CSMD1: variants seen among roughly 807,000 people sequenced by gnomAD.
CSMD1 encodes CUB and sushi domain-containing protein 1.
CSMD1 carries 213 observed loss-of-function variants against 417.5 expected under a neutral mutation model. The ratio of observed to expected loss-of-function variants is 0.51; its 90% confidence interval spans 0.46 to 0.57. CSMD1 has a LOEUF of 0.57. Among genes scored for constraint, CSMD1 ranks in the 20% least tolerant of loss-of-function variants. The probability of loss-of-function intolerance (pLI) is 0.00; values close to 1 mark genes in which losing one functional copy is unlikely to be tolerated. For synonymous variants in CSMD1, 2,862 were observed against 1,736.8 expected, an observed-to-expected ratio of 1.65 and a Z score of -16.11; for missense variants, 6,923 against 4,529.7, an observed-to-expected ratio of 1.53 and a Z score of -15.17.
intron 1 of CSMD1, among the ~76,000 whole-genome samples, chr8:4,774,756 CA>C (rs1796762263): frequency 6.6e-6 from 1 of 152,100 alleles, no homozygotes; most frequent in Non-Finnish European, 1.5e-5. Context: ...ACAGACTTCC[CA>C]GGAGACCTTG....
chr8:4,054,062 ACTC>A (rs1432384414), intron 3 of CSMD1, among the ~76,000 whole-genome samples: 2 of 152,082 alleles, frequency 1.3e-5, no homozygotes, highest in African/African-American at 4.8e-5. Context: ...GCCAAATGCT[ACTC>A]CTATCTCTCT....
At chr8:4,921,380 A>G (rs1026167072) in intron 1 of CSMD1, among the ~76,000 whole-genome samples, 20 of 152,176 alleles carry the variant, frequency 1.3e-4, no homozygotes, top group Non-Finnish European at 1.2e-4. Flanking sequence ...AAAAATTATC[A>G]TTATTTAATA....
intron 50 of CSMD1, among the ~76,000 whole-genome samples, chr8:3,047,276 G>C (rs77646444): frequency 3.6e-4 from 54 of 149,146 alleles, no homozygotes; most frequent in Non-Finnish European, 7.0e-4. Context: ...GCCAGGCCAA[G>C]TTCTCGCCCC....
intron 2 of CSMD1, among the ~76,000 whole-genome samples, chr8:4,583,394 A>C (rs1790104929): frequency 6.6e-6 from 1 of 152,104 alleles, no homozygotes; most frequent in South Asian, 2.1e-4. Context: ...TAAACACACC[A>C]ATCAGCACCC....
At chr8:4,264,150 C>T (rs966728179) in intron 3 of CSMD1, among the ~76,000 whole-genome samples, 1 of 152,178 alleles carries the variant, frequency 6.6e-6, no homozygotes. Context: ...ACCTACTACT[C>T]AGCTCTTGGG....
rs539868929 is a variant in CSMD1 at position 3,760,308 on chromosome 8, C to G, written c.819-6266G>C. ...GAATACCAAATTAAGCAATTTAAAG[C>G]AATGCCAAATTCATTTCCTTCAGAG... On this transcript the variant is annotated intron_variant, in intron 5 of 69. Transcript: ENST00000635120. 2.0e-5 allele frequency among the ~76,000 whole-genome samples: 3 copies of G among 152,258 alleles called. No homozygotes were observed. In the South Asian group the frequency reaches 6.2e-4, roughly 32 times the overall value.
chr8:3,256,309 G>GGAAAA (rs1554487804), intron 26 of CSMD1, among the ~76,000 whole-genome samples: 1 of 81,444 alleles, frequency 1.2e-5, no homozygotes, highest in African/African-American at 4.9e-5. Flanking sequence ...TAAGTCTCAA[G>GGAAAA]AAAAAAAAAA....
chr8:4,774,561 T>C (rs1796751467), intron 1 of CSMD1, among the ~76,000 whole-genome samples: 1 of 152,230 alleles, frequency 6.6e-6, no homozygotes, highest in Non-Finnish European at 1.5e-5. Flanking sequence ...GACATTCTGA[T>C]AATACAGAAT....
At chr8:4,858,388 C>T (rs1225423728) in intron 1 of CSMD1, among the ~76,000 whole-genome samples, 1 of 151,314 alleles carries the variant, frequency 6.6e-6, no homozygotes, top group Non-Finnish European at 1.5e-5. Context: ...CACTCCTATT[C>T]AACGTAGTGT....
intron 6 of CSMD1, among the ~76,000 whole-genome samples, chr8:3,746,519 T>C (rs1797071675): frequency 6.6e-6 from 1 of 152,178 alleles, no homozygotes; most frequent in Non-Finnish European, 1.5e-5. Context: ...AATAAATCAA[T>C]ACATAAAAGT....
chr8:3,594,350 TAAG>T (rs771800421), intron 8 of CSMD1, among the ~76,000 whole-genome samples: 2 of 152,154 alleles, frequency 1.3e-5, no homozygotes, highest in African/African-American at 4.8e-5. Flanking sequence ...AGTAAAAAGA[TAAG>T]AAGAACTTAT....
At chr8:4,100,948 A>G (rs4875276) in intron 3 of CSMD1, among the ~76,000 whole-genome samples, 151,143 of 152,318 alleles carry the variant, frequency 0.99, 74,999 homozygotes, top group Middle Eastern at 1. Flanking sequence ...AACCCAGAGT[A>G]TTGTCTGTAA....
chr8:4,149,083 C>A (rs577749960), intron 3 of CSMD1, among the ~76,000 whole-genome samples: 1 of 152,180 alleles, frequency 6.6e-6, no homozygotes. Context: ...CCTGCCTCAG[C>A]CTCCCAAGTA....
In CSMD1 at chr8:3,376,644, A is replaced by G. The variant is rs566998212; in HGVS notation, c.2783-7274T>C. Reference sequence around the variant, plus strand: ...AGTTTTCTTTGCGTTTGTCTTTCACAAAATTAGAGGACAATTTATCCCAAT... The same window carrying G: ...AGTTTTCTTTGCGTTTGTCTTTCACGAAATTAGAGGACAATTTATCCCAAT... On this transcript the variant is annotated intron_variant, in intron 18 of 69. Transcript: ENST00000635120. Among the ~76,000 whole-genome samples, 7 of 152,250 alleles carry G rather than the reference A, an allele frequency of 4.6e-5. No individual in the cohort carries two copies. In the South Asian group the frequency reaches 1.4e-3, roughly 32 times the overall value.
At chr8:4,353,366 T>C (rs529174375) in intron 3 of CSMD1, among the ~76,000 whole-genome samples, 1 of 152,274 alleles carries the variant, frequency 6.6e-6, no homozygotes, top group African/African-American at 2.4e-5. Context: ...CCACCATGAT[T>C]GTGAGGCCTC....
At chr8:4,836,058 G>A (rs900475330) in intron 1 of CSMD1, among the ~76,000 whole-genome samples, 1 of 152,126 alleles carries the variant, frequency 6.6e-6, no homozygotes, top group Non-Finnish European at 1.5e-5. Context: ...CGAGTTCACA[G>A]TTTAGAATAT....
chr8:3,196,644 G>A (rs562337698), intron 33 of CSMD1, among the ~76,000 whole-genome samples: 2 of 152,124 alleles, frequency 1.3e-5, no homozygotes, highest in African/African-American at 2.4e-5. Flanking sequence ...CTGATGAAGT[G>A]GTTGCTGATT....
chr8:4,052,429 T>C (rs1047963967), intron 3 of CSMD1, among the ~76,000 whole-genome samples: 5 of 152,170 alleles, frequency 3.3e-5, no homozygotes, highest in African/African-American at 1.2e-4. Context: ...AGATCCCAAA[T>C]ATCTTGTAGT....
chr8:3,673,111 G>C (rs1178145236), intron 7 of CSMD1, among the ~76,000 whole-genome samples: 1 of 152,162 alleles, frequency 6.6e-6, no homozygotes, highest in Non-Finnish European at 1.5e-5. Context: ...AATAATAAAT[G>C]AATCAATTAA....
Sources: allele counts gnomAD v4.1 joint callset (sites outside exome capture counted in the v4.1 genomes callset), GRCh38; gene constraint gnomAD v4.1.1; transcripts MANE v1.5; gene names NCBI Gene and HGNC (gene_info 2026-07-23, HGNC 2026-07-21).